Variants in ABCA12 observed in about 807,000 individuals in gnomAD.
ABCA12 encodes glucosylceramide transporter ABCA12.
A neutral mutation model predicts 293.5 loss-of-function variants in ABCA12; 156 were observed. The ratio of observed to expected loss-of-function variants is 0.53; its 90% confidence interval spans 0.47 to 0.61. The LOEUF is 0.61. ABCA12 is among the 20% of genes least tolerant of loss of function. The pLI, the probability that ABCA12 is intolerant of heterozygous loss-of-function variation, is 0.00. For missense variants in ABCA12, 2,797 were observed against 3,090.2 expected (o/e 0.91, Z 2.25); for synonymous variants, 1,063 against 1,108.0 (o/e 0.96, Z 0.81).
chr2:214,961,035 C>A (rs117682084), intron 39 of ABCA12, among the ~76,000 whole-genome samples: 6 of 151,956 alleles, frequency 3.9e-5, no homozygotes, highest in Non-Finnish European at 7.4e-5. Context: ...AACAAAGATG[C>A]CTTCAAACAA....
At chr2:214,949,637 G>T (rs930099697) in intron 45 of ABCA12, among the ~76,000 whole-genome samples, 11 of 152,146 alleles carry the variant, frequency 7.2e-5, no homozygotes, top group Non-Finnish European at 1.5e-4. Context: ...AGCCAGATTT[G>T]CTTTCTCTTT....
At chr2:215,071,051 T>C (rs1701726854) in intron 2 of ABCA12, among the ~76,000 whole-genome samples, 1 of 151,086 alleles carries the variant, frequency 6.6e-6, no homozygotes, top group African/African-American at 2.4e-5. Context: ...CCACAAACTA[T>C]CTCGGCATGC....
chr2:215,118,663 A>G (rs1249803419), intron 1 of ABCA12, among the ~76,000 whole-genome samples: 1 of 152,156 alleles, frequency 6.6e-6, no homozygotes, highest in Non-Finnish European at 1.5e-5. Flanking sequence ...AGCACCTACT[A>G]TGTACCAGAC....
Position 215,049,699 on chromosome 2 carries a change from A to G in ABCA12, c.620T>C (p.Phe207Ser). 1.2e-6 allele frequency: 2 copies of G among 1,613,712 alleles called. No individual in the cohort carries two copies. Among genetic ancestry groups the G allele is most frequent in the Non-Finnish European group, 1.7e-6 (2 of 1,179,784 alleles). ...FSWTFLGRNV[F>S]NKFCLSNMTL... Reference sequence around the variant, plus strand: ...CATGTTAGAAAGGCAAAATTTGTTAAAAACATTTCTTCCTAGAAAGGTCCA... The same window carrying G: ...CATGTTAGAAAGGCAAAATTTGTTAGAAACATTTCTTCCTAGAAAGGTCCA... The change falls in exon 6 of 53, where the codon TTT becomes TCT. Residue 207 changes from phenylalanine to serine, a missense_variant. Phe to Ser is a radical substitution (Grantham distance 155, BLOSUM62 -2). Coordinates refer to ENST00000272895, the MANE Select transcript of ABCA12 (RefSeq NM_173076.3).
chr2:215,085,617 A>C (rs959069669), intron 2 of ABCA12: 1 of 152,360 alleles, frequency 6.6e-6, no homozygotes, highest in Admixed American at 6.5e-5. Flanking sequence ...GCTTTTATAC[A>C]TGTAACAATT....
At chr2:215,082,034 T>C (rs1186654934) in intron 2 of ABCA12, among the ~76,000 whole-genome samples, 1 of 141,210 alleles carries the variant, frequency 7.1e-6, no homozygotes. Context: ...TTTACTGAAA[T>C]TGTTAATTCT....
At chr2:215,115,795 C>T (rs928850146) in intron 1 of ABCA12, among the ~76,000 whole-genome samples, 1 of 152,078 alleles carries the variant, frequency 6.6e-6, no homozygotes, top group South Asian at 2.1e-4. Context: ...GGTAAGTGTA[C>T]GTGCTAGTAC....
At chr2:215,121,800 T>C (rs928343840) in intron 1 of ABCA12, among the ~76,000 whole-genome samples, 7 of 152,154 alleles carry the variant, frequency 4.6e-5, no homozygotes, top group African/African-American at 1.4e-4. Context: ...GTTTTATAAA[T>C]GGGACTTCCC....
chr2:215,024,644 A>G (rs1700700475), intron 11 of ABCA12, among the ~76,000 whole-genome samples: 1 of 152,216 alleles, frequency 6.6e-6, no homozygotes, highest in Non-Finnish European at 1.5e-5. Context: ...GGTAAGTAGT[A>G]CATTTATTTG....
intron 2 of ABCA12, among the ~76,000 whole-genome samples, chr2:215,109,082 C>G (rs1375058231): frequency 1.3e-5 from 2 of 151,014 alleles, no homozygotes; most frequent in Non-Finnish European, 3.0e-5. Flanking sequence ...AAAAAGGAGG[C>G]GGGGGGGCAA....
At chr2:215,057,506 C>A (rs533884649) in intron 3 of ABCA12, among the ~76,000 whole-genome samples, 62 of 152,160 alleles carry the variant, frequency 4.1e-4, no homozygotes, top group South Asian at 1.9e-3. Flanking sequence ...GATCTGGAAC[C>A]TACAAGTATT....
At chr2:215,045,705 TGCAATAAGAG>T (rs1360915458) in intron 7 of ABCA12, 122 bp downstream of exon 7, 21 of 815,920 alleles carry the variant, frequency 2.6e-5, no homozygotes, top group Non-Finnish European at 3.9e-5. Context: ...TGCTAAAATC[TGCAATAAGAG>T]GCTGAAGGAT....
intron 39 of ABCA12, among the ~76,000 whole-genome samples, chr2:214,964,405 G>T (rs1255101193): frequency 6.6e-6 from 1 of 152,024 alleles, no homozygotes; most frequent in African/African-American, 2.4e-5. Flanking sequence ...AAGAAATAAA[G>T]GTATTCAAAT....
intron 48 of ABCA12, among the ~76,000 whole-genome samples, chr2:214,946,600 T>C (rs560463425): frequency 3.7e-4 from 57 of 152,284 alleles, no homozygotes; most frequent in Non-Finnish European, 6.2e-4. Flanking sequence ...TTGAAATGAT[T>C]TGATCCACTG....
intron 15 of ABCA12, chr2:215,013,571 A>T (rs17428969): frequency 0.02 from 3,151 of 154,486 alleles, 61 homozygotes; most frequent in Non-Finnish European, 0.027. Flanking sequence ...CCAGAATTCT[A>T]GGCATTCCCA....
rs566178439 is a variant in ABCA12 at position 214,942,756 on chromosome 2, C to G, written c.7436+169G>C. On this transcript the variant is annotated intron_variant, in intron 50 of 52. Coordinates refer to ENST00000272895, the MANE Select transcript of ABCA12 (RefSeq NM_173076.3). ...ATATTTAAGTAAAAATTCATCAAATCCCCAATAAAATAATTTAAATTTAAG... is the reference window on the plus strand; with the variant it reads ...ATATTTAAGTAAAAATTCATCAAATGCCCAATAAAATAATTTAAATTTAAG... Among the ~76,000 whole-genome samples, 6 of 152,168 alleles carry G rather than the reference C, an allele frequency of 3.9e-5. No individual in the cohort carries two copies. The East Asian group carries it at 1.2e-3, about 29-fold the overall frequency.
chr2:214,986,541 C>T lies in ABCA12; in HGVS notation c.4163+1G>A. ...CAATAAATGTCAAAAAGTTAACATACATGGTAGTAGTTTTCCCAGCTCCAT... is the reference window on the plus strand; with the variant it reads ...CAATAAATGTCAAAAAGTTAACATATATGGTAGTAGTTTTCCCAGCTCCAT... On this transcript the variant is annotated splice_donor_variant, in intron 28 of 52. Transcript: ENST00000272895. LOFTEE classifies it high-confidence loss of function. The T allele has an allele frequency of 6.2e-7, 1 of 1,613,842 alleles. No homozygotes were observed. The highest frequency in any genetic ancestry group is 1.1e-5 in the South Asian group (1 of 91,070).
intron 2 of ABCA12, among the ~76,000 whole-genome samples, chr2:215,083,147 G>A (rs1361050676): frequency 1.3e-5 from 2 of 152,190 alleles, no homozygotes; most frequent in Non-Finnish European, 2.9e-5. Flanking sequence ...GTGGTTCTCT[G>A]GAGATGAGTA....
intron 19 of ABCA12, among the ~76,000 whole-genome samples, chr2:215,006,036 T>TTAAG (rs34802699): frequency 1 from 152,237 of 152,328 alleles, 76,074 homozygotes; most frequent in Middle Eastern, 1. Flanking sequence ...ATTTACAATA[T>TTAAG]TATTTCCTCA....
Sources: gnomAD v4.1 joint callset for allele counts (sites outside exome capture counted in the v4.1 genomes callset) on GRCh38, gnomAD v4.1.1 for gene constraint, MANE v1.5 for transcripts, NCBI Gene and HGNC (gene_info 2026-07-23, HGNC 2026-07-21) for gene names.